FHIT: variants seen among roughly 807,000 people sequenced by gnomAD.
FHIT encodes fragile histidine triad diadenosine triphosphatase.
A neutral mutation model predicts 17.9 loss-of-function variants in FHIT; 19 were observed. The ratio of observed to expected loss-of-function variants is 1.06; its 90% CI spans 0.74 to 1.56. FHIT has a LOEUF of 1.56. Among genes scored for constraint, FHIT ranks in the 40% most tolerant of loss-of-function variants. The pLI, the probability that FHIT is intolerant of heterozygous loss-of-function variation, is 0.00. For missense variants in FHIT, 248 were observed against 189.2 expected (o/e 1.31, Z -1.82); for synonymous variants, 81 against 69.7 (o/e 1.16, Z -0.81).
At chr3:60,070,873 G>A (rs1329217710) in intron 5 of FHIT, among the ~76,000 whole-genome samples, 2 of 152,176 alleles carry the variant, frequency 1.3e-5, no homozygotes, top group African/African-American at 4.8e-5. Flanking sequence ...AAGGGATTCG[G>A]CTAAAATCCA....
At chr3:59,870,439 T>G (rs983352884) in intron 8 of FHIT, among the ~76,000 whole-genome samples, 1 of 152,184 alleles carries the variant, frequency 6.6e-6, no homozygotes, top group Non-Finnish European at 1.5e-5. Context: ...TTAACGAGTC[T>G]TAATAGTCAA....
chr3:60,289,965 T>C (rs888927884), intron 5 of FHIT, among the ~76,000 whole-genome samples: 4 of 152,332 alleles, frequency 2.6e-5, no homozygotes, highest in Non-Finnish European at 5.9e-5. Flanking sequence ...GGTTTATTTC[T>C]GAAGCTCTAT....
chr3:60,466,887 T>C (rs990671976), intron 5 of FHIT, among the ~76,000 whole-genome samples: 6 of 150,314 alleles, frequency 4.0e-5, no homozygotes, highest in African/African-American at 1.2e-4. Flanking sequence ...ACTAGCCTCC[T>C]AGAATGAATC....
chr3:60,037,825 C>T (rs1448615049), intron 5 of FHIT, among the ~76,000 whole-genome samples: 4 of 151,684 alleles, frequency 2.6e-5, no homozygotes, highest in East Asian at 3.9e-4. Flanking sequence ...GCAATTCTCC[C>T]GCCTCAGCCT....
At chr3:59,935,079 G>A (rs550697318) in intron 7 of FHIT, among the ~76,000 whole-genome samples, 3 of 152,272 alleles carry the variant, frequency 2.0e-5, no homozygotes, top group South Asian at 4.1e-4. Flanking sequence ...ACCCTGGGAA[G>A]ACCATTCCAA....
intron 8 of FHIT, among the ~76,000 whole-genome samples, chr3:59,763,481 C>A (rs963037095): frequency 3.3e-5 from 5 of 152,186 alleles, no homozygotes; most frequent in Non-Finnish European, 5.9e-5. Context: ...AATCCAGATC[C>A]CCAAGCATTT....
intron 7 of FHIT, among the ~76,000 whole-genome samples, chr3:59,979,748 T>A (rs1396581230): frequency 6.6e-6 from 1 of 152,136 alleles, no homozygotes; most frequent in Admixed American, 6.6e-5. Flanking sequence ...ACTCCCACCC[T>A]GCCCATAAAT....
chr3:60,603,036 G>C (rs998626320), intron 4 of FHIT, among the ~76,000 whole-genome samples: 8 of 152,142 alleles, frequency 5.3e-5, no homozygotes, highest in African/African-American at 1.9e-4. Context: ...AGCCCAAACA[G>C]ACTAGGACAG....
At chr3:60,421,668 A>G (rs1702473229) in intron 5 of FHIT, among the ~76,000 whole-genome samples, 1 of 152,128 alleles carries the variant, frequency 6.6e-6, no homozygotes, top group Non-Finnish European at 1.5e-5. Flanking sequence ...AAATCTCAGT[A>G]CCACCCAGAA....
intron 5 of FHIT, among the ~76,000 whole-genome samples, chr3:60,301,057 C>G (rs1467369031): frequency 2.0e-5 from 3 of 152,072 alleles, no homozygotes; most frequent in Non-Finnish European, 4.4e-5. Flanking sequence ...CTAGAGTTCC[C>G]ATTTGGGCTT....
chr3:60,442,829 T>C (rs916720487), intron 5 of FHIT, among the ~76,000 whole-genome samples: 1 of 152,178 alleles, frequency 6.6e-6, no homozygotes, highest in East Asian at 1.9e-4. Context: ...GGTAGCTTGA[T>C]GGGGATGGCA....
chr3:60,878,939 G>A (rs782586623), intron 3 of FHIT, among the ~76,000 whole-genome samples: 19 of 152,148 alleles, frequency 1.2e-4, no homozygotes, highest in East Asian at 1.2e-3. Flanking sequence ...GAATAGTGCC[G>A]CAATAAACAT....
At chr3:60,113,205 G>A (rs540544204) in intron 5 of FHIT, among the ~76,000 whole-genome samples, 10 of 152,248 alleles carry the variant, frequency 6.6e-5, no homozygotes, top group South Asian at 4.1e-4. Context: ...CTACTAAGAC[G>A]CAAGCTCTGT....
At chr3:59,874,730 G>A (rs1329539835) in intron 8 of FHIT, among the ~76,000 whole-genome samples, 1 of 151,058 alleles carries the variant, frequency 6.6e-6, no homozygotes, top group Non-Finnish European at 1.5e-5. Flanking sequence ...CCTGGCCTGT[G>A]CTGGGCACCA....
intron 5 of FHIT, among the ~76,000 whole-genome samples, chr3:60,239,303 T>TA (rs1704981898): frequency 6.6e-6 from 1 of 152,158 alleles, no homozygotes. Context: ...CTCATGTCTG[T>TA]AGTCCCACTA....
At chr3:59,989,897 T>C (rs896244577) in intron 7 of FHIT, among the ~76,000 whole-genome samples, 18 of 152,026 alleles carry the variant, frequency 1.2e-4, no homozygotes, top group Admixed American at 5.2e-4. Flanking sequence ...GTAGCAGGGG[T>C]TCCTCCCCAC....
intron 5 of FHIT, among the ~76,000 whole-genome samples, chr3:60,476,643 A>G (rs771113858): frequency 4.6e-4 from 70 of 152,162 alleles, no homozygotes; most frequent in Non-Finnish European, 6.8e-4. Flanking sequence ...CTGCATCCCA[A>G]TGCTGAAGGC....
intron 5 of FHIT, among the ~76,000 whole-genome samples, chr3:60,524,641 C>CA (rs1180392039): frequency 3.9e-5 from 6 of 152,200 alleles, no homozygotes; most frequent in African/African-American, 1.4e-4. Flanking sequence ...ATCCAGGTGT[C>CA]AGCAGGGCCA....
intron 3 of FHIT, among the ~76,000 whole-genome samples, chr3:60,891,066 T>C (rs1316278227): frequency 6.6e-6 from 1 of 152,194 alleles, no homozygotes; most frequent in Non-Finnish European, 1.5e-5. Context: ...CCTGTCACTA[T>C]ACAGTGATGT....
Sources: gnomAD v4.1 joint callset for allele counts (sites outside exome capture counted in the v4.1 genomes callset) on GRCh38, gnomAD v4.1.1 for gene constraint, MANE v1.5 for transcripts, NCBI Gene and HGNC (gene_info 2026-07-23, HGNC 2026-07-21) for gene names.